The following FA2H variants were observed in gnomAD, a reference collection of about 807,000 sequenced individuals.
FA2H encodes fatty acid 2-hydroxylase.
Under a neutral mutation model 44.9 loss-of-function variants are expected in FA2H, and 22 were observed. The ratio of observed to expected loss-of-function variants is 0.49; its 90% CI spans 0.35 to 0.70. The LOEUF is 0.70. FA2H is among the 30% of genes least tolerant of loss of function. The probability of loss-of-function intolerance (pLI) is 0.01; values close to 1 mark genes in which losing one functional copy is unlikely to be tolerated. For missense variants in FA2H, 501 were observed against 504.9 expected (o/e 0.99, Z 0.07); for synonymous variants, 243 against 213.2 (o/e 1.14, Z -1.22).
chr16:74,770,331 T>C (rs1962882331), intron 1 of FA2H, among the ~76,000 whole-genome samples: 1 of 152,228 alleles, frequency 6.6e-6, no homozygotes, highest in African/African-American at 2.4e-5. Flanking sequence ...TGAAAGGATA[T>C]CCCACCCCCA....
At chr16:74,738,866 C>T (rs943485940) in intron 2 of FA2H, among the ~76,000 whole-genome samples, 3 of 152,368 alleles carry the variant, frequency 2.0e-5, no homozygotes, top group East Asian at 1.9e-4. Context: ...TTTCCTCTGG[C>T]TGGCCTCCAT....
chr16:74,744,305 T>C (rs1243245415), intron 1 of FA2H, among the ~76,000 whole-genome samples: 1 of 152,158 alleles, frequency 6.6e-6, no homozygotes. Context: ...TTGGAAACTT[T>C]CACATTCATT....
chr16:74,738,105 A>G (rs1052159282), intron 2 of FA2H, among the ~76,000 whole-genome samples: 18 of 152,234 alleles, frequency 1.2e-4, no homozygotes, highest in African/African-American at 3.6e-4. Context: ...ACACCCGGGC[A>G]GGTGGGGGCT....
At chr16:74,745,716 G>A (rs1480072007) in intron 1 of FA2H, among the ~76,000 whole-genome samples, 2 of 151,502 alleles carry the variant, frequency 1.3e-5, no homozygotes, top group Non-Finnish European at 2.9e-5. Flanking sequence ...CCAGCACAAC[G>A]CCAATTCCTG....
In FA2H at chr16:74,732,444, CTTTTT is replaced by C. The variant is rs202152909; in HGVS notation, c.364-5063_364-5059del. Reference sequence around the variant, plus strand: ...TAGGATTCTTTTTCTTTTTCTTTTTCTTTTTTTTTTAAGATTGAGTCTCACTCTGT... The same window carrying C: ...TAGGATTCTTTTTCTTTTTCTTTTTCTTTTTAAGATTGAGTCTCACTCTGT... On this transcript the variant is annotated intron_variant, in intron 2 of 6. Coordinates refer to ENST00000219368, the MANE Select transcript of FA2H (RefSeq NM_024306.5). Among the ~76,000 whole-genome samples the C allele has an allele frequency of 1.7e-3, 252 of 148,386 alleles. 4 individuals carry two copies. In the East Asian group the frequency reaches 0.044, roughly 26 times the overall value.
chr16:74,715,669 T>C (rs1215096434), intron 6 of FA2H, among the ~76,000 whole-genome samples: 1 of 152,254 alleles, frequency 6.6e-6, no homozygotes, highest in East Asian at 1.9e-4. Context: ...AAAATTCTTT[T>C]CATCTGTTTA....
At chr16:74,730,578 G>T (rs530138030) in intron 2 of FA2H, among the ~76,000 whole-genome samples, 26 of 151,930 alleles carry the variant, frequency 1.7e-4, no homozygotes, top group Non-Finnish European at 2.2e-4. Flanking sequence ...CACCACAACC[G>T]CTACCACCAC....
At chr16:74,747,697 C>A (rs2144643965) in intron 1 of FA2H, among the ~76,000 whole-genome samples, 1 of 152,264 alleles carries the variant, frequency 6.6e-6, no homozygotes, top group South Asian at 2.1e-4. Context: ...CAGCCCCCAG[C>A]AGCTCAGGGG....
At chr16:74,759,587 G>A (rs185462251) in intron 1 of FA2H, among the ~76,000 whole-genome samples, 31 of 152,326 alleles carry the variant, frequency 2.0e-4, no homozygotes, top group African/African-American at 7.2e-4. Flanking sequence ...GAGAAACCTA[G>A]ATAGAAGGAG....
At chr16:74,741,856 ATG>A (rs1310407237) in intron 1 of FA2H, among the ~76,000 whole-genome samples, 43 of 80,414 alleles carry the variant, frequency 5.3e-4, no homozygotes, top group Middle Eastern at 8.2e-3. Flanking sequence ...GTATGTGTGT[ATG>A]TGTGTGTGTG....
intron 2 of FA2H, among the ~76,000 whole-genome samples, chr16:74,732,887 G>A (rs892150953): frequency 6.6e-6 from 1 of 152,374 alleles, no homozygotes. Flanking sequence ...ACCGGAGCTA[G>A]ACCGTGGAAG....
intron 2 of FA2H, among the ~76,000 whole-genome samples, chr16:74,735,695 A>C (rs1325919900): frequency 6.6e-6 from 1 of 152,130 alleles, no homozygotes. Context: ...CCTCCAGATA[A>C]TCCTACGCAA....
intron 2 of FA2H, 105 bp downstream of exon 2, chr16:74,739,917 TG>T: frequency 1.1e-6 from 1 of 876,624 alleles, no homozygotes; most frequent in Non-Finnish European, 2.0e-6. Context: ...CCTTCTCCCC[TG>T]GGCACACGTC....
At chr16:74,768,356 A>T (rs1962846434) in intron 1 of FA2H, among the ~76,000 whole-genome samples, 1 of 152,158 alleles carries the variant, frequency 6.6e-6, no homozygotes, top group African/African-American at 2.4e-5. Flanking sequence ...GTGGCCATGG[A>T]ACTGCAGTGA....
chr16:74,773,988 A>G (rs1226596284), intron 1 of FA2H, among the ~76,000 whole-genome samples: 2 of 152,214 alleles, frequency 1.3e-5, no homozygotes, highest in African/African-American at 4.8e-5. Context: ...AGGAAACCCA[A>G]GCTAGTGAGA....
chr16:74,721,855 C>A (rs1325947767), intron 4 of FA2H, among the ~76,000 whole-genome samples: 4 of 152,248 alleles, frequency 2.6e-5, no homozygotes, highest in Admixed American at 2.6e-4. Flanking sequence ...CTCCTTGCTT[C>A]TCAGGGAAGA....
intron 1 of FA2H, among the ~76,000 whole-genome samples, chr16:74,772,519 A>C: frequency 6.6e-6 from 1 of 152,196 alleles, no homozygotes; most frequent in Non-Finnish European, 1.5e-5. Context: ...CTGTCAACCC[A>C]TTAAGGAACC....
intron 4 of FA2H, among the ~76,000 whole-genome samples, chr16:74,720,318 C>A (rs1184246674): frequency 6.7e-6 from 1 of 148,808 alleles, no homozygotes; most frequent in East Asian, 2.0e-4. Context: ...GCCTCAGTCT[C>A]CTGAGTAGCC....
chr16:74,757,818 A>G (rs1339614512), intron 1 of FA2H, among the ~76,000 whole-genome samples: 1 of 152,038 alleles, frequency 6.6e-6, no homozygotes, highest in Non-Finnish European at 1.5e-5. Context: ...GGAGTTTGAG[A>G]CCAGCCTGGG....
Sources: allele counts gnomAD v4.1 joint callset (sites outside exome capture counted in the v4.1 genomes callset), GRCh38; gene constraint gnomAD v4.1.1; transcripts MANE v1.5; gene names NCBI Gene and HGNC (gene_info 2026-07-23, HGNC 2026-07-21).